SLC35A1: variants seen among roughly 807,000 people sequenced by gnomAD.
The protein encoded by SLC35A1 is solute carrier family 35 member A1.
SLC35A1 carries 21 observed loss-of-function variants against 40.3 expected under a neutral mutation model. That is an observed-to-expected ratio of 0.52 (90% CI 0.37 to 0.75). The LOEUF (loss-of-function observed/expected upper bound fraction) is 0.75. Among genes scored for constraint, SLC35A1 ranks in the 30% least tolerant of loss-of-function variants. The pLI is 0.00. For synonymous variants in SLC35A1, 146 were observed against 147.3 expected (o/e 0.99, Z 0.06); for missense variants, 297 against 382.1 (o/e 0.78, Z 1.86).
chr6:87,496,910 T>C (rs1769749531), intron 2 of SLC35A1, among the ~76,000 whole-genome samples: 1 of 152,128 alleles, frequency 6.6e-6, no homozygotes, highest in African/African-American at 2.4e-5. Flanking sequence ...TCTTTCATAG[T>C]AAAACAAAAC....
At chr6:87,508,632 CTTTA>C (rs1438961070) in intron 6 of SLC35A1, 36 bp downstream of exon 6, 6 of 1,552,572 alleles carry the variant, frequency 3.9e-6, no homozygotes, top group South Asian at 2.3e-5. Flanking sequence ...TTAGTAGATC[CTTTA>C]TTTTTTTTTT....
chr6:87,483,237 C>G (rs895765120), intron 2 of SLC35A1, among the ~76,000 whole-genome samples: 2 of 151,972 alleles, frequency 1.3e-5, no homozygotes, highest in Admixed American at 6.6e-5. Flanking sequence ...GACTTCCTTT[C>G]CCAGTTTCTC....
intron 7 of SLC35A1, 100 bp from the exon 8 acceptor site, chr6:87,511,299 A>T: frequency 8.1e-7 from 1 of 1,241,832 alleles, no homozygotes; most frequent in Non-Finnish European, 1.2e-6. Context: ...ATGATCTGAT[A>T]GTGTAAACCC....
chr6:87,499,432 A>G (rs1470166969), intron 2 of SLC35A1, among the ~76,000 whole-genome samples: 6 of 152,212 alleles, frequency 3.9e-5, no homozygotes, highest in African/African-American at 1.4e-4. Context: ...GGTGCTTATT[A>G]TAAAACATTG....
intron 4 of SLC35A1, among the ~76,000 whole-genome samples, chr6:87,505,353 G>C (rs911988788): frequency 6.6e-5 from 10 of 152,172 alleles, no homozygotes; most frequent in African/African-American, 1.9e-4. Flanking sequence ...GCTCCTGACA[G>C]TTTAGAAAAG....
At chr6:87,491,577 T>G (rs978624790) in intron 2 of SLC35A1, among the ~76,000 whole-genome samples, 9 of 152,324 alleles carry the variant, frequency 5.9e-5, no homozygotes, top group African/African-American at 2.2e-4. Context: ...ATTTTTTCTC[T>G]TAACTTTTTA....
chr6:87,509,270 C>A, intron 7 of SLC35A1, 95 bp downstream of exon 7: 2 of 1,469,144 alleles, frequency 1.4e-6, no homozygotes, highest in Non-Finnish European at 1.9e-6. Flanking sequence ...GTTGGTCATA[C>A]TGTTTACAGA....
intron 2 of SLC35A1, among the ~76,000 whole-genome samples, chr6:87,480,555 G>C (rs999228258): frequency 9.2e-5 from 14 of 152,336 alleles, no homozygotes; most frequent in African/African-American, 3.1e-4. Flanking sequence ...CATTTGGCAT[G>C]AGGCGAGGCA....
At chr6:87,488,162 T>TGGGTCTGGAACTCAGAAGAG (rs1769441805) in intron 2 of SLC35A1, 1 of 152,168 alleles carries the variant, frequency 6.6e-6, no homozygotes, top group Non-Finnish European at 1.5e-5. Flanking sequence ...TTGGATTAAA[T>TGGGTCTGGAACTCAGAAGAG]GGGTCTGGAA....
At chr6:87,506,616 T>C (rs545032866) in intron 5 of SLC35A1, among the ~76,000 whole-genome samples, 168 bp downstream of exon 5, 1 of 152,340 alleles carries the variant, frequency 6.6e-6, no homozygotes, top group East Asian at 1.9e-4. Context: ...ATGTATAGCA[T>C]TGTTCAACTA....
intron 2 of SLC35A1, among the ~76,000 whole-genome samples, chr6:87,499,991 A>G (rs1352890394): frequency 6.6e-6 from 1 of 152,088 alleles, no homozygotes; most frequent in East Asian, 1.9e-4. Flanking sequence ...AATCCTAGGT[A>G]CTCAGGAGGC....
chr6:87,473,523 C>T (rs559195189), intron 1 of SLC35A1, among the ~76,000 whole-genome samples: 1 of 152,304 alleles, frequency 6.6e-6, no homozygotes, highest in East Asian at 1.9e-4. Context: ...ATCACTGGGG[C>T]GTCAAAACAG....
chr6:87,508,730 A>G, intron 6 of SLC35A1, 134 bp downstream of exon 6: 1 of 911,682 alleles, frequency 1.1e-6, no homozygotes, highest in Non-Finnish European at 1.6e-6. Flanking sequence ...TATAATTTTC[A>G]TTTTGTTGAC....
chr6:87,480,801 G>A (rs1222959428), intron 2 of SLC35A1, among the ~76,000 whole-genome samples: 1 of 152,136 alleles, frequency 6.6e-6, no homozygotes, highest in Non-Finnish European at 1.5e-5. Context: ...CTTTAATTTG[G>A]TAAGGCTTGA....
At chr6:87,476,727 C>A (rs1345510307) in intron 1 of SLC35A1, among the ~76,000 whole-genome samples, 1 of 150,744 alleles carries the variant, frequency 6.6e-6, no homozygotes, top group Non-Finnish European at 1.5e-5. Flanking sequence ...CAGAGTGAGA[C>A]CCTGTCCTAA....
intron 4 of SLC35A1, among the ~76,000 whole-genome samples, chr6:87,503,818 G>A (rs1398833527): frequency 1.3e-5 from 2 of 152,122 alleles, no homozygotes; most frequent in African/African-American, 4.8e-5. Context: ...CTTTCAGTAA[G>A]GAAATCTGGT....
At chr6:87,477,068 A>G (rs916045007) in intron 1 of SLC35A1, among the ~76,000 whole-genome samples, 2 of 152,102 alleles carry the variant, frequency 1.3e-5, no homozygotes, top group Non-Finnish European at 2.9e-5. Flanking sequence ...AATTTATAAC[A>G]TCCTGAACTA....
At chr6:87,482,814 T>C (rs1415993169) in intron 2 of SLC35A1, among the ~76,000 whole-genome samples, 3 of 149,270 alleles carry the variant, frequency 2.0e-5, no homozygotes, top group Non-Finnish European at 3.0e-5. Flanking sequence ...TTTGAGTTAG[T>C]AAGTTACCTT....
chr6:87,511,768 G>A lies in SLC35A1; in HGVS notation c.*242G>A, dbSNP rs528733103. 4.7e-5 allele frequency: 23 copies of A among 490,916 alleles called. 1 individual carries two copies. Among genetic ancestry groups the A allele is most frequent in the African/African-American group, 3.7e-4 (19 of 51,356 alleles). The allele number at this position is 490,916 out of a possible 1,614,324, so 30.4% of individuals were successfully genotyped here. Reference sequence around the variant, plus strand: ...GAATGAAGGAATTGTATTATTGTGTGTATATATAATTTGTAAATAAAAAGT... The same window carrying A: ...GAATGAAGGAATTGTATTATTGTGTATATATATAATTTGTAAATAAAAAGT... On this transcript the variant is annotated 3_prime_UTR_variant, in exon 8 of 8. Coordinates refer to ENST00000369552, the MANE Select transcript of SLC35A1 (RefSeq NM_006416.5).
Sources: gnomAD v4.1 joint callset for allele counts (sites outside exome capture counted in the v4.1 genomes callset) on GRCh38, gnomAD v4.1.1 for gene constraint, MANE v1.5 for transcripts, NCBI Gene and HGNC (gene_info 2026-07-23, HGNC 2026-07-21) for gene names.